ZFP1: variants seen among roughly 807,000 people sequenced by gnomAD.
The protein encoded by ZFP1 is zinc finger protein 1 homolog.
In ZFP1, 32 loss-of-function variants were observed where a neutral mutation model predicts 38.5. The observed-to-expected ratio is 0.83, with a 90% CI of 0.63 to 1.12. The LOEUF is 1.12. Ranked by LOEUF, ZFP1 falls within the 50% of genes most tolerant of loss-of-function variation. The pLI is 0.00. For missense variants in ZFP1, 616 were observed against 480.8 expected, an observed-to-expected ratio of 1.28 and a Z score of -2.63; for synonymous variants, 245 against 168.8, an observed-to-expected ratio of 1.45 and a Z score of -3.50.
At chr16:75,147,009 A>G (rs1002488591), upstream of ZFP1, among the ~76,000 whole-genome samples, 1 of 151,938 alleles carries the variant, frequency 6.6e-6, no homozygotes, top group Non-Finnish European at 1.5e-5. Flanking sequence ...AATGTATATT[A>G]CTAAATGAAA....
At chr16:75,124,052 C>A in the ZFP1 span, among the ~76,000 whole-genome samples, 1 of 151,736 alleles carries the variant, frequency 6.6e-6, no homozygotes, top group African/African-American at 2.4e-5. Context: ...CAAGATTGCG[C>A]CTCTGCACTC....
intron 2 of ZFP1, among the ~76,000 whole-genome samples, chr16:75,163,282 C>G (rs994864207): frequency 2.0e-5 from 3 of 151,438 alleles, no homozygotes; most frequent in Admixed American, 6.6e-5. Flanking sequence ...TCTGCCCTCC[C>G]CAGCGTGCAT....
intron 3 of ZFP1, among the ~76,000 whole-genome samples, 198 bp downstream of exon 3, chr16:75,167,094 C>T (rs2038131410): frequency 6.6e-6 from 1 of 152,192 alleles, no homozygotes; most frequent in Admixed American, 6.5e-5. Flanking sequence ...CAATTAGGAG[C>T]TATGTCCCAT....
the ZFP1 span, among the ~76,000 whole-genome samples, chr16:75,130,018 G>T: frequency 5.3e-5 from 8 of 152,068 alleles, no homozygotes; most frequent in African/African-American, 1.7e-4. Flanking sequence ...TTTTTTTTCA[G>T]ACAGAGTCCA....
chr16:75,169,990 C>A lies in ZFP1; in HGVS notation c.880C>A (p.Arg294=). 6.2e-7 allele frequency: 1 copy of A among 1,613,938 alleles called. No individual in the cohort carries two copies. The highest frequency in any genetic ancestry group is 8.5e-7 in the Non-Finnish European group (1 of 1,179,980). The change falls in exon 4 of 4, where the codon CGA becomes AGA. Residue 294 remains arginine, a synonymous_variant. Transcript: ENST00000570010. ...ACACCAGAGAATTCATACAGGAGAG[C>A]GACCCTATGAGTGTAACGAATGTGC... The part of the protein sequence containing the change: ...TTHQRIHTGE[R]PYECNECAKT...
At chr16:75,151,286 G>A in intron 1 of ZFP1, among the ~76,000 whole-genome samples, 1 of 151,704 alleles carries the variant, frequency 6.6e-6, no homozygotes, top group Middle Eastern at 3.2e-3. Flanking sequence ...CACATGGTTT[G>A]GTCTTACTTT....
intron 1 of ZFP1, among the ~76,000 whole-genome samples, chr16:75,150,932 G>A (rs1262139000): frequency 6.6e-6 from 1 of 152,108 alleles, no homozygotes; most frequent in Non-Finnish European, 1.5e-5. Flanking sequence ...TCAGCCTCCC[G>A]AGTAGCTAGG....
the ZFP1 span, among the ~76,000 whole-genome samples, chr16:75,139,146 G>T: frequency 3.3e-5 from 5 of 152,044 alleles, no homozygotes; most frequent in African/African-American, 1.2e-4. Flanking sequence ...GAGGTGGGCG[G>T]ATCACGAGGT....
chr16:75,141,406 C>T, the ZFP1 span, among the ~76,000 whole-genome samples: 20,948 of 151,408 alleles, frequency 0.14, 2,063 homozygotes, highest in East Asian at 0.55. Flanking sequence ...GGGATTTCAT[C>T]GTGTTAGCCA....
At chr16:75,154,225 A>T (rs1358131783) in intron 2 of ZFP1, among the ~76,000 whole-genome samples, 2 of 9,208 alleles carry the variant, frequency 2.2e-4, no homozygotes, top group Non-Finnish European at 1.8e-3. Context: ...CTTTGTCTCA[A>T]AAAAAAAAAA....
chr16:75,125,057 G>C, the ZFP1 span, among the ~76,000 whole-genome samples: 2 of 151,844 alleles, frequency 1.3e-5, no homozygotes, highest in Non-Finnish European at 2.9e-5. Flanking sequence ...TCAGGAGTTT[G>C]AGACCAGCCT....
chr16:75,135,869 C>T, the ZFP1 span, among the ~76,000 whole-genome samples: 1 of 152,182 alleles, frequency 6.6e-6, no homozygotes, highest in Non-Finnish European at 1.5e-5. Context: ...GGCTGGAGTA[C>T]AGTGGCCCAA....
At chr16:75,146,413 C>T (rs1373184409), upstream of ZFP1, among the ~76,000 whole-genome samples, 6 of 152,038 alleles carry the variant, frequency 3.9e-5, no homozygotes, top group Admixed American at 2.0e-4. Context: ...GTGATCCGCC[C>T]GCCTCGGCCT....
upstream of ZFP1, among the ~76,000 whole-genome samples, chr16:75,147,348 G>A (rs535557643): frequency 1.3e-5 from 2 of 152,094 alleles, no homozygotes; most frequent in African/African-American, 4.8e-5. Flanking sequence ...CACAATCTTG[G>A]CTCACTGAAA....
the ZFP1 span, among the ~76,000 whole-genome samples, chr16:75,137,951 C>G: frequency 6.6e-6 from 1 of 150,812 alleles, no homozygotes; most frequent in Non-Finnish European, 1.5e-5. Flanking sequence ...AGAGACAAGC[C>G]TCACCTGCAG....
the ZFP1 span, among the ~76,000 whole-genome samples, chr16:75,123,384 GTA>G: frequency 7.5e-6 from 1 of 132,622 alleles, no homozygotes; most frequent in Admixed American, 7.6e-5. Flanking sequence ...ATATATATGT[GTA>G]TATATATTTG....
intron 1 of ZFP1, among the ~76,000 whole-genome samples, chr16:75,150,906 C>T (rs766940752): frequency 6.6e-6 from 1 of 152,124 alleles, no homozygotes; most frequent in Non-Finnish European, 1.5e-5. Context: ...CTGTCTGCAA[C>T]CTCAAACCTT....
chr16:75,150,353 C>T (rs2037132099), intron 1 of ZFP1, among the ~76,000 whole-genome samples: 1 of 149,030 alleles, frequency 6.7e-6, no homozygotes, highest in African/African-American at 2.5e-5. Context: ...GGACTACAGG[C>T]GCCCGCCACT....
the ZFP1 span, among the ~76,000 whole-genome samples, chr16:75,125,901 G>T: frequency 2.0e-5 from 3 of 151,784 alleles, no homozygotes; most frequent in Non-Finnish European, 2.9e-5. Context: ...AATTAGCCAG[G>T]CATGATGGCA....
Sources: allele counts gnomAD v4.1 joint callset (sites outside exome capture counted in the v4.1 genomes callset), GRCh38; gene constraint gnomAD v4.1.1; transcripts MANE v1.5; gene names NCBI Gene and HGNC (gene_info 2026-07-23, HGNC 2026-07-21).